Variants in GPC5 observed in about 807,000 individuals in gnomAD.
GPC5 encodes glypican-5.
Under a neutral mutation model 53.9 loss-of-function variants are expected in GPC5, and 47 were observed. That is an observed-to-expected ratio of 0.87 (90% confidence interval 0.69 to 1.11). The LOEUF (loss-of-function observed/expected upper bound fraction) is 1.11. GPC5 is among the 50% of genes most tolerant of loss of function. The probability of loss-of-function intolerance (pLI) is 0.00; values close to 1 mark genes in which losing one functional copy is unlikely to be tolerated. For synonymous variants in GPC5, 286 were observed against 263.3 expected, an observed-to-expected ratio of 1.09 and a Z score of -0.84; for missense variants, 748 against 713.1, an observed-to-expected ratio of 1.05 and a Z score of -0.56.
At chr13:91,819,862 G>T (rs1201361253) in intron 5 of GPC5, among the ~76,000 whole-genome samples, 2 of 152,232 alleles carry the variant, frequency 1.3e-5, no homozygotes, top group East Asian at 1.9e-4. Flanking sequence ...ATACTCTCAT[G>T]ATATGAGATG....
intron 7 of GPC5, among the ~76,000 whole-genome samples, chr13:92,753,376 G>A (rs202242443): frequency 0.043 from 6,501 of 152,170 alleles, 200 homozygotes; most frequent in South Asian, 0.099. Context: ...CACAAAGATG[G>A]GGAAAAAACA....
chr13:92,364,148 A>G (rs1177004571), intron 7 of GPC5, among the ~76,000 whole-genome samples: 3 of 151,814 alleles, frequency 2.0e-5, no homozygotes, highest in Non-Finnish European at 4.4e-5. Flanking sequence ...AGAGGAATGC[A>G]TGGGTAATAG....
rs374409265 is a variant in GPC5, at chr13:92,064,711, C to T, written c.1402-80119C>T. Among the ~76,000 whole-genome samples the T allele has an allele frequency of 2.3e-3, 323 of 140,686 alleles. 2 individuals carry two copies. Among genetic ancestry groups the T allele is most frequent in the African/African-American group, 7.7e-3 (303 of 39,566 alleles). The allele number at this position is 140,686 out of a possible 152,430, so 92.3% of individuals were successfully genotyped here. On this transcript the variant is annotated intron_variant, in intron 6 of 7. Transcript: ENST00000377067. ...GGCAGAGGTTGCAGTGAGCCAAGAT[C>T]GCGCCATTGCACTCCAGCCTGGGCG...
chr13:92,864,005 CA>C (rs2138858151), intron 7 of GPC5, among the ~76,000 whole-genome samples: 1 of 152,136 alleles, frequency 6.6e-6, no homozygotes, highest in African/African-American at 2.4e-5. Context: ...AATAAATCTC[CA>C]AACTAATTTT....
chr13:92,827,141 T>A (rs1377059171), intron 7 of GPC5, among the ~76,000 whole-genome samples: 1 of 152,008 alleles, frequency 6.6e-6, no homozygotes, highest in African/African-American at 2.4e-5. Flanking sequence ...CTAAAAATCA[T>A]GTGGGGGAGA....
At chr13:91,614,024 C>T (rs1235084300) in intron 2 of GPC5, among the ~76,000 whole-genome samples, 1 of 152,138 alleles carries the variant, frequency 6.6e-6, no homozygotes. Flanking sequence ...GAGTGGATAT[C>T]GAATACCATA....
chr13:92,047,034 C>G (rs528925742), intron 6 of GPC5, among the ~76,000 whole-genome samples: 10 of 152,100 alleles, frequency 6.6e-5, no homozygotes, highest in Non-Finnish European at 1.5e-4. Context: ...TTTTTCCTCC[C>G]TAGCACAGAG....
intron 7 of GPC5, among the ~76,000 whole-genome samples, chr13:92,527,176 A>AAGAAAGAAAGAAAGAAAGAAAG (rs1566276803): frequency 2.5e-5 from 2 of 80,964 alleles, no homozygotes; most frequent in South Asian, 4.0e-4. Flanking sequence ...AAGAAAGAGA[A>AAGAAAGAAAGAAAGAAAGAAAG]AGAAAGAAGA....
intron 5 of GPC5, among the ~76,000 whole-genome samples, chr13:91,824,977 G>T (rs1331123311): frequency 1.3e-5 from 2 of 151,958 alleles, no homozygotes; most frequent in Non-Finnish European, 2.9e-5. Flanking sequence ...AAGAATAAAT[G>T]GTTATGCAGA....
At chr13:91,964,444 T>C (rs2040161352) in intron 6 of GPC5, among the ~76,000 whole-genome samples, 1 of 152,086 alleles carries the variant, frequency 6.6e-6, no homozygotes. Context: ...GATTGGTCTG[T>C]TTTGACAGAG....
At chr13:91,858,301 G>A (rs974641777) in intron 5 of GPC5, among the ~76,000 whole-genome samples, 1 of 151,858 alleles carries the variant, frequency 6.6e-6, no homozygotes, top group Non-Finnish European at 1.5e-5. Flanking sequence ...CTAACTGAGG[G>A]TCTGTTCTAT....
intron 7 of GPC5, among the ~76,000 whole-genome samples, chr13:92,757,760 C>A (rs369540934): frequency 6.6e-6 from 1 of 152,108 alleles, no homozygotes; most frequent in Non-Finnish European, 1.5e-5. Context: ...ATCAGAGAAA[C>A]GCAAATTAAA....
At chr13:91,490,233 C>A (rs142975299) in intron 2 of GPC5, among the ~76,000 whole-genome samples, 1 of 152,102 alleles carries the variant, frequency 6.6e-6, no homozygotes, top group South Asian at 2.1e-4. Flanking sequence ...AGAATTAAAT[C>A]GGTGAATTTG....
intron 5 of GPC5, among the ~76,000 whole-genome samples, chr13:91,820,950 G>A (rs1304151891): frequency 9.4e-5 from 14 of 149,636 alleles, no homozygotes; most frequent in Non-Finnish European, 1.8e-4. Flanking sequence ...GTGACAGAGC[G>A]AGACTCCGTC....
chr13:92,030,945 C>T (rs1414698297), intron 6 of GPC5, among the ~76,000 whole-genome samples: 1 of 152,156 alleles, frequency 6.6e-6, no homozygotes, highest in African/African-American at 2.4e-5. Flanking sequence ...CCTAATCTGT[C>T]CTGGCCGTGT....
chr13:91,675,149 A>C (rs970533053), intron 2 of GPC5, among the ~76,000 whole-genome samples: 3 of 143,324 alleles, frequency 2.1e-5, no homozygotes, highest in Non-Finnish European at 4.5e-5. Context: ...TACATTAAAA[A>C]AAAAACTCAG....
chr13:92,068,485 G>T (rs923848932), intron 6 of GPC5, among the ~76,000 whole-genome samples: 50 of 151,544 alleles, frequency 3.3e-4, no homozygotes, highest in Admixed American at 9.9e-4. Context: ...GTTCTTTCTT[G>T]CTAATTCTTA....
intron 7 of GPC5, among the ~76,000 whole-genome samples, chr13:92,175,953 G>T (rs2042106412): frequency 6.6e-6 from 1 of 152,152 alleles, no homozygotes; most frequent in Non-Finnish European, 1.5e-5. Context: ...TTAGGTTTCA[G>T]ATTCAATGGT....
intron 7 of GPC5, among the ~76,000 whole-genome samples, chr13:92,386,490 T>C (rs1455712781): frequency 1.3e-5 from 2 of 152,182 alleles, no homozygotes; most frequent in East Asian, 3.9e-4. Context: ...CCCTACTCTC[T>C]GTGAATGGTA....
Sources: gnomAD v4.1 joint callset for allele counts (sites outside exome capture counted in the v4.1 genomes callset) on GRCh38, gnomAD v4.1.1 for gene constraint, MANE v1.5 for transcripts, NCBI Gene and HGNC (gene_info 2026-07-23, HGNC 2026-07-21) for gene names.